Variants in XKR4 observed in about 807,000 individuals in gnomAD.
XKR4 encodes XK-related protein 4.
In XKR4, 12 loss-of-function variants were observed where a neutral mutation model predicts 53.9. The observed-to-expected ratio is 0.22, with a 90% confidence interval of 0.14 to 0.36. XKR4 has a LOEUF of 0.36. Among genes scored for constraint, XKR4 ranks in the 10% least tolerant of loss-of-function variants. The probability of loss-of-function intolerance (pLI) is 1.00; values close to 1 mark genes in which losing one functional copy is unlikely to be tolerated. For synonymous variants in XKR4, 354 were observed against 362.4 expected, an observed-to-expected ratio of 0.98 and a Z score of 0.26; for missense variants, 799 against 859.5, an observed-to-expected ratio of 0.93 and a Z score of 0.88.
intron 1 of XKR4, among the ~76,000 whole-genome samples, chr8:55,228,918 AT>A (rs1817993217): frequency 1.3e-5 from 2 of 151,960 alleles, no homozygotes; most frequent in Admixed American, 1.3e-4. Flanking sequence ...GGATTAGGGA[AT>A]TTATTAAAAG....
chr8:55,289,713 G>GAA (rs1389285232), intron 1 of XKR4, among the ~76,000 whole-genome samples: 22 of 77,448 alleles, frequency 2.8e-4, no homozygotes, highest in Admixed American at 9.5e-4. Flanking sequence ...AAGAAAGAAA[G>GAA]AGAGAGAAAG....
intron 2 of XKR4, chr8:55,450,580 G>C (rs540514615): frequency 2.8e-6 from 2 of 722,756 alleles, no homozygotes; most frequent in South Asian, 2.9e-5. Flanking sequence ...ACTTGAGATA[G>C]AACTGGCTGA....
At chr8:55,352,168 T>C (rs1788377256) in intron 1 of XKR4, among the ~76,000 whole-genome samples, 1 of 152,166 alleles carries the variant, frequency 6.6e-6, no homozygotes, top group Admixed American at 6.5e-5. Context: ...GCTCAAACAA[T>C]GGAATGGCCA....
At chr8:55,389,519 T>G (rs1804414573) in intron 2 of XKR4, among the ~76,000 whole-genome samples, 1 of 152,220 alleles carries the variant, frequency 6.6e-6, no homozygotes, top group Admixed American at 6.5e-5. Flanking sequence ...AGAAAATGAT[T>G]GGAAGAAGTG....
At chr8:55,236,399 C>T (rs369885165) in intron 1 of XKR4, among the ~76,000 whole-genome samples, 25 of 152,284 alleles carry the variant, frequency 1.6e-4, no homozygotes, top group African/African-American at 5.8e-4. Context: ...CAGAGATAAT[C>T]GATTCAACCT....
At chr8:55,188,688 G>T (rs999315286) in intron 1 of XKR4, among the ~76,000 whole-genome samples, 4 of 152,138 alleles carry the variant, frequency 2.6e-5, no homozygotes, top group African/African-American at 9.7e-5. Flanking sequence ...AACTGCTAGG[G>T]TTTAAATTCC....
intron 1 of XKR4, among the ~76,000 whole-genome samples, chr8:55,306,634 T>A (rs1218087616): frequency 1.3e-5 from 2 of 152,212 alleles, no homozygotes; most frequent in African/African-American, 4.8e-5. Context: ...CTCACTATCA[T>A]GAGAACAACA....
At chr8:55,476,934 C>T (rs1442587600) in intron 2 of XKR4, among the ~76,000 whole-genome samples, 1 of 152,114 alleles carries the variant, frequency 6.6e-6, no homozygotes, top group East Asian at 1.9e-4. Context: ...CTCAAGGAGG[C>T]CTGCCTGCCT....
chr8:55,400,606 G>A lies in XKR4; in HGVS notation c.1006+42729G>A, dbSNP rs371313683. 4.6e-5 allele frequency among the ~76,000 whole-genome samples: 7 copies of A among 152,252 alleles called. No individual in the cohort carries two copies. In the East Asian group the frequency reaches 7.7e-4, roughly 17 times the overall value. On this transcript the variant is annotated intron_variant, in intron 2 of 2. Coordinates refer to ENST00000327381, the MANE Select transcript of XKR4 (RefSeq NM_052898.2). Reference sequence around the variant, plus strand: ...GATGGCAGAGAGACAGCCTGAGCAAGGACAGCTGAGTCAGCTTCTCCCCAC... The same window carrying A: ...GATGGCAGAGAGACAGCCTGAGCAAAGACAGCTGAGTCAGCTTCTCCCCAC...
intron 1 of XKR4, among the ~76,000 whole-genome samples, chr8:55,169,396 G>A (rs529792550): frequency 6.6e-6 from 1 of 152,358 alleles, no homozygotes; most frequent in Admixed American, 6.5e-5. Flanking sequence ...TTCAAAGATT[G>A]AATCTGAACA....
intron 1 of XKR4, among the ~76,000 whole-genome samples, chr8:55,132,386 T>C (rs969489755): frequency 4.6e-5 from 7 of 152,312 alleles, no homozygotes; most frequent in African/African-American, 1.7e-4. Flanking sequence ...CCAAACCGTA[T>C]ATATACTGTT....
At chr8:55,310,779 C>A (rs1220293748) in intron 1 of XKR4, among the ~76,000 whole-genome samples, 1 of 152,136 alleles carries the variant, frequency 6.6e-6, no homozygotes, top group Non-Finnish European at 1.5e-5. Flanking sequence ...CAGAAGCCGA[C>A]CCTGAGTGGG....
chr8:55,265,170 T>A (rs534984121), intron 1 of XKR4, among the ~76,000 whole-genome samples: 1 of 152,252 alleles, frequency 6.6e-6, no homozygotes, highest in Non-Finnish European at 1.5e-5. Context: ...AGATGGATTT[T>A]ATTCCAGAAT....
Position 55,531,195 on chromosome 8 carries a change from T to G in XKR4, c.*6968T>G, listed in dbSNP as rs1806948454. 6.6e-6 allele frequency: 1 copy of G among 152,164 alleles called. No individual in the cohort carries two copies. The highest frequency in any genetic ancestry group is 2.4e-5 in the African/African-American group (1 of 41,432). 9.4% of individuals were successfully genotyped at this position (152,164 alleles called of 1,614,324 possible). ...TTTGTCATTGTGTGATGGAGTGTGC[T>G]TACACAAGCTTAGATGGTAGAGCCT... On this transcript the variant is annotated 3_prime_UTR_variant, in exon 3 of 3. Transcript: ENST00000327381.
Position 55,418,063 on chromosome 8 carries a change from C to A in XKR4, c.1006+60186C>A, listed in dbSNP as rs1804874608. On this transcript the variant is annotated intron_variant, in intron 2 of 2. Transcript: ENST00000327381. Reference sequence around the variant, plus strand: ...GAGGGTGGAGGAGGCAGGACAGGACCAGAGGAGCTAGATGGCAATGTTCTT... The same window carrying A: ...GAGGGTGGAGGAGGCAGGACAGGACAAGAGGAGCTAGATGGCAATGTTCTT... Among the ~76,000 whole-genome samples the A allele has an allele frequency of 1.3e-5, 2 of 152,196 alleles. 1 individual carries two copies. Among genetic ancestry groups the A allele is most frequent in the South Asian group, 4.1e-4 (2 of 4,836 alleles).
At chr8:55,371,994 C>T (rs142271071) in intron 2 of XKR4, among the ~76,000 whole-genome samples, 6 of 152,350 alleles carry the variant, frequency 3.9e-5, no homozygotes, top group Non-Finnish European at 8.8e-5. Flanking sequence ...TATTTCTCCT[C>T]TCTCCTGCCT....
chr8:55,444,032 A>G (rs1453792766), intron 2 of XKR4, among the ~76,000 whole-genome samples: 1 of 152,030 alleles, frequency 6.6e-6, no homozygotes, highest in Non-Finnish European at 1.5e-5. Flanking sequence ...TTAGCCAGGC[A>G]TAATGGCACA....
chr8:55,497,199 T>C (rs1172205508), intron 2 of XKR4, among the ~76,000 whole-genome samples: 1 of 152,220 alleles, frequency 6.6e-6, no homozygotes, highest in South Asian at 2.1e-4. Context: ...CATTTCCCTA[T>C]TACGCTAAGC....
chr8:55,356,729 A>C (rs1031078722), intron 1 of XKR4, among the ~76,000 whole-genome samples: 13 of 152,228 alleles, frequency 8.5e-5, no homozygotes, highest in Admixed American at 2.6e-4. Context: ...CAAATAAAAA[A>C]GATTGGCAAT....
Sources: allele counts gnomAD v4.1 joint callset (sites outside exome capture counted in the v4.1 genomes callset), GRCh38; gene constraint gnomAD v4.1.1; transcripts MANE v1.5; gene names NCBI Gene and HGNC (gene_info 2026-07-23, HGNC 2026-07-21).